CHL1: variants seen among roughly 807,000 people sequenced by gnomAD.
CHL1 encodes neural cell adhesion molecule L1-like protein.
CHL1 carries 96 observed loss-of-function variants against 141.9 expected under a neutral mutation model. The ratio of observed to expected loss-of-function variants is 0.68; its 90% CI spans 0.57 to 0.80. The LOEUF (loss-of-function observed/expected upper bound fraction) is 0.80, where lower values mean the gene tolerates loss of function less well. Ranked by LOEUF, CHL1 falls within the 30% of genes least tolerant of loss-of-function variation. CHL1 has a pLI of 0.00. For missense variants in CHL1, 1,820 were observed against 1,457.2 expected, an observed-to-expected ratio of 1.25 and a Z score of -4.05; for synonymous variants, 613 against 502.2, an observed-to-expected ratio of 1.22 and a Z score of -2.95.
Position 406,218 on chromosome 3 carries a change from T to G in CHL1, c.*507T>G, listed in dbSNP as rs570555640. The G allele has an allele frequency of 6.6e-6, 1 of 152,584 alleles. No individual in the cohort carries two copies. Among genetic ancestry groups the G allele is most frequent in the Non-Finnish European group, 1.5e-5 (1 of 68,278 alleles). The allele number at this position is 152,584 out of a possible 1,614,324, so 9.5% of individuals were successfully genotyped here. A position where few individuals can be genotyped will look rare whatever the true frequency, so the allele number is the denominator to read the frequency against. On this transcript the variant is annotated 3_prime_UTR_variant, in exon 28 of 28. Coordinates refer to ENST00000256509, the MANE Select transcript of CHL1 (RefSeq NM_006614.4). Reference sequence around the variant, plus strand: ...AAAACACTTCATTGAAAATATACAGTCTAAATTTATTATTTAAATTTTACT... The same window carrying G: ...AAAACACTTCATTGAAAATATACAGGCTAAATTTATTATTTAAATTTTACT...
chr3:374,566 C>T (rs1039936267), intron 15 of CHL1, among the ~76,000 whole-genome samples: 3 of 152,152 alleles, frequency 2.0e-5, no homozygotes, highest in Non-Finnish European at 2.9e-5. Context: ...CCTGCAGGAT[C>T]CCAGAGCTGA....
intron 15 of CHL1, among the ~76,000 whole-genome samples, chr3:367,127 A>G (rs949441423): frequency 1.3e-5 from 2 of 152,258 alleles, no homozygotes; most frequent in African/African-American, 2.4e-5. Context: ...AAGTACATCA[A>G]AGAAATAAAA....
chr3:334,160 A>G (rs1397902583), intron 5 of CHL1, among the ~76,000 whole-genome samples: 2 of 151,970 alleles, frequency 1.3e-5, no homozygotes, highest in African/African-American at 2.4e-5. Context: ...CATATCATAA[A>G]TTTTACTTGT....
chr3:227,535 T>C (rs943955039), intron 1 of CHL1, among the ~76,000 whole-genome samples: 1 of 152,146 alleles, frequency 6.6e-6, no homozygotes, highest in African/African-American at 2.4e-5. Context: ...GGAGAACAAA[T>C]ACAAAAGGCA....
intron 1 of CHL1, among the ~76,000 whole-genome samples, chr3:219,597 G>A (rs1026004961): frequency 6.6e-6 from 1 of 152,154 alleles, no homozygotes; most frequent in Non-Finnish European, 1.5e-5. Flanking sequence ...ACCTAATGCA[G>A]GAAAACCAAA....
At chr3:322,329 A>C (rs1002411837) in intron 3 of CHL1, among the ~76,000 whole-genome samples, 1 of 151,998 alleles carries the variant, frequency 6.6e-6, no homozygotes. Flanking sequence ...ATAGAAAAAA[A>C]TTAGAGTTTG....
intron 2 of CHL1, among the ~76,000 whole-genome samples, chr3:260,019 C>G (rs750416799): frequency 2.6e-5 from 4 of 152,144 alleles, no homozygotes; most frequent in Non-Finnish European, 4.4e-5. Context: ...AATCCCAGCA[C>G]TCTAGGAGGC....
chr3:239,599 T>C (rs1235305322), intron 1 of CHL1, among the ~76,000 whole-genome samples: 1 of 135,158 alleles, frequency 7.4e-6, no homozygotes, highest in Non-Finnish European at 1.6e-5. Flanking sequence ...ATATATAAAA[T>C]ATATATATTT....
chr3:289,297 T>A (rs1697449244), intron 2 of CHL1, among the ~76,000 whole-genome samples: 1 of 152,216 alleles, frequency 6.6e-6, no homozygotes, highest in Non-Finnish European at 1.5e-5. Context: ...AATTTTGTGC[T>A]CAAACTTACC....
intron 19 of CHL1, among the ~76,000 whole-genome samples, 158 bp downstream of exon 19, chr3:384,044 C>T (rs1377221216): frequency 1.3e-5 from 2 of 152,064 alleles, no homozygotes; most frequent in Admixed American, 6.6e-5. Flanking sequence ...TTTTAAAGAT[C>T]ATTGTGATTA....
intron 18 of CHL1, among the ~76,000 whole-genome samples, chr3:383,441 G>C (rs1232057877): frequency 2.0e-5 from 3 of 152,058 alleles, no homozygotes; most frequent in Non-Finnish European, 4.4e-5. Context: ...CACAACATAT[G>C]TTTCTAATGA....
At chr3:372,112 T>C (rs113314236) in intron 15 of CHL1, among the ~76,000 whole-genome samples, 4 of 152,270 alleles carry the variant, frequency 2.6e-5, no homozygotes, top group African/African-American at 7.2e-5. Flanking sequence ...TGGAGTATCT[T>C]AGTGGTGTAC....
chr3:277,450 T>C (rs55990224), intron 2 of CHL1, among the ~76,000 whole-genome samples: 2,136 of 152,362 alleles, frequency 0.014, 22 homozygotes, highest in Admixed American at 0.021. Flanking sequence ...ATTTGACAAC[T>C]GGCAGAAGAA....
intron 3 of CHL1, among the ~76,000 whole-genome samples, chr3:320,567 G>C (rs751710552): frequency 1.3e-5 from 2 of 151,976 alleles, no homozygotes; most frequent in Non-Finnish European, 2.9e-5. Flanking sequence ...CATGACTGTA[G>C]TCCCACCTAT....
intron 3 of CHL1, 74 bp from the exon 4 acceptor site, chr3:325,885 A>C: frequency 1.1e-6 from 1 of 932,036 alleles, no homozygotes. Flanking sequence ...AAGAGGTTTA[A>C]AGTGTTTTCG....
chr3:243,149 C>G (rs541924682), intron 1 of CHL1, among the ~76,000 whole-genome samples: 1 of 152,190 alleles, frequency 6.6e-6, no homozygotes, highest in South Asian at 2.1e-4. Context: ...TAACATTCAC[C>G]TCAGCAAATG....
intron 15 of CHL1, among the ~76,000 whole-genome samples, chr3:372,993 T>A (rs1705842417): frequency 6.6e-6 from 1 of 152,200 alleles, no homozygotes; most frequent in Admixed American, 6.5e-5. Context: ...TTGTGGGATC[T>A]CAGACCTCAA....
intron 1 of CHL1, among the ~76,000 whole-genome samples, chr3:242,336 C>G (rs1212148275): frequency 6.6e-6 from 1 of 150,622 alleles, no homozygotes; most frequent in Non-Finnish European, 1.5e-5. Context: ...GTGGCTCACG[C>G]CTGTAATCCC....
chr3:242,444 A>G, intron 1 of CHL1, among the ~76,000 whole-genome samples: 1 of 136,822 alleles, frequency 7.3e-6, no homozygotes, highest in Non-Finnish European at 1.6e-5. Flanking sequence ...AAAATACAAA[A>G]AATTATCCCG....
Sources: gnomAD v4.1 joint callset for allele counts (sites outside exome capture counted in the v4.1 genomes callset) on GRCh38, gnomAD v4.1.1 for gene constraint, MANE v1.5 for transcripts, NCBI Gene and HGNC (gene_info 2026-07-23, HGNC 2026-07-21) for gene names.